The following MAP7D1 variants were observed in gnomAD, a reference collection of about 807,000 sequenced individuals.
MAP7D1 encodes the protein MAP7 domain-containing protein 1.
In MAP7D1, 30 loss-of-function variants were observed where a neutral mutation model predicts 97.5. The observed-to-expected ratio is 0.31, with a 90% CI of 0.23 to 0.42. MAP7D1 has a LOEUF of 0.42. Among genes scored for constraint, MAP7D1 ranks in the 10% least tolerant of loss-of-function variants. The probability of loss-of-function intolerance (pLI) is 1.00; values close to 1 mark genes in which losing one functional copy is unlikely to be tolerated. For synonymous variants in MAP7D1, 536 were observed against 477.1 expected, an observed-to-expected ratio of 1.12 and a Z score of -1.61; for missense variants, 1,184 against 1,179.5, an observed-to-expected ratio of 1.00 and a Z score of -0.06.
At chr1:36,158,617 G>A (rs189516596) in intron 1 of MAP7D1, among the ~76,000 whole-genome samples, 99 of 152,328 alleles carry the variant, frequency 6.5e-4, no homozygotes, top group South Asian at 1.0e-3. Flanking sequence ...TAGGGGCAGT[G>A]TTGTCAACCT....
chr1:36,178,962 G>A lies in MAP7D1; in HGVS notation c.2067G>A (p.Arg689=). The A allele has an allele frequency of 6.4e-7, 1 of 1,559,284 alleles. No individual in the cohort carries two copies. Among genetic ancestry groups the A allele is most frequent in the Non-Finnish European group, 8.7e-7 (1 of 1,151,806 alleles). ...CTCGGTCGCGGGAAGAGGCGGAGCG[G>A]CAGCGTCTGGAGCGGGAAAAGCACT... The part of the protein sequence containing the change: ...AEARSREEAE[R]QRLEREKHFQ... The change falls in exon 12 of 17, where the codon CGG becomes CGA. Residue 689 remains arginine, a synonymous_variant. Transcript: ENST00000474796.
intron 3 of MAP7D1, 49 bp from the exon 4 acceptor site, chr1:36,172,415 G>A: frequency 1.4e-6 from 2 of 1,403,402 alleles, no homozygotes; most frequent in Non-Finnish European, 1.9e-6. Context: ...CTTGGCCCAG[G>A]CCTTCTGCAG....
At chr1:36,177,585 G>C (rs1385461799) in intron 8 of MAP7D1, 1 of 681,480 alleles carries the variant, frequency 1.5e-6, no homozygotes, top group South Asian at 1.5e-5. Context: ...GTAGCACTCA[G>C]GGTGCTGAGG....
chr1:36,167,264 A>G (rs547652555), intron 1 of MAP7D1, among the ~76,000 whole-genome samples: 2 of 152,306 alleles, frequency 1.3e-5, no homozygotes, highest in Admixed American at 1.3e-4. Context: ...ACAGTCAGCA[A>G]GGTAGAAGGA....
Position 36,176,108 on chromosome 1 carries a change from G to T in MAP7D1, c.851-91G>T. The T allele has an allele frequency of 2.8e-6, 4 of 1,452,212 alleles. No homozygotes were observed. Among genetic ancestry groups the T allele is most frequent in the Non-Finnish European group, 3.7e-6 (4 of 1,077,514 alleles). 90.0% of individuals were successfully genotyped at this position (1,452,212 alleles called of 1,614,324 possible). On this transcript the variant is annotated intron_variant, in intron 6 of 16. Coordinates refer to ENST00000474796, the MANE Select transcript of MAP7D1 (RefSeq NM_001388490.1). The surrounding 1 kb of genome is among the most constrained non-coding windows in gnomAD (Gnocchi z 6.1). Reference sequence around the variant, plus strand: ...TCCCGGGTGAGAAGCCTTGGCCTTGGCATGGGGATGGTGCCTGGTCTGCTC... The same window carrying T: ...TCCCGGGTGAGAAGCCTTGGCCTTGTCATGGGGATGGTGCCTGGTCTGCTC...
At chr1:36,178,264 G>A (rs980895534) in intron 9 of MAP7D1, 63 bp downstream of exon 9, 5 of 1,485,904 alleles carry the variant, frequency 3.4e-6, no homozygotes, top group Middle Eastern at 2.5e-4. Flanking sequence ...CTGTGTGGGG[G>A]TGTGGGCCGC....
At chr1:36,168,424 C>G (rs1255125623) in intron 1 of MAP7D1, among the ~76,000 whole-genome samples, 3 of 152,082 alleles carry the variant, frequency 2.0e-5, no homozygotes, top group Non-Finnish European at 4.4e-5. Context: ...CTCAGAATTG[C>G]GAGGACACAG....
At chr1:36,168,888 C>T (rs1240129613) in intron 1 of MAP7D1, among the ~76,000 whole-genome samples, 3 of 152,024 alleles carry the variant, frequency 2.0e-5, no homozygotes, top group African/African-American at 7.2e-5. Flanking sequence ...TTTGCTTCAT[C>T]TTTTTTTACT....
intron 9 of MAP7D1, 58 bp from the exon 10 acceptor site, chr1:36,178,361 G>C (rs1644661235): frequency 1.3e-6 from 2 of 1,550,118 alleles, no homozygotes; most frequent in African/African-American, 2.7e-5. Context: ...AGGCCGCTGG[G>C]AGATGACGGC....
Position 36,179,667 on chromosome 1 carries a change from G to A in MAP7D1, c.2229G>A (p.Glu743=), listed in dbSNP as rs376161208. The A allele has an allele frequency of 2.1e-5, 32 of 1,528,776 alleles. No individual in the cohort carries two copies. Among genetic ancestry groups the A allele is most frequent in the South Asian group, 2.0e-4 (16 of 79,560 alleles). The allele number at this position is 1,528,776 out of a possible 1,614,324, so 94.7% of individuals were successfully genotyped here. Residue 743 remains glutamate, a splice_region_variant and synonymous_variant, in exon 15 of 17, where the codon GAG becomes GAA. Coordinates refer to ENST00000474796, the MANE Select transcript of MAP7D1 (RefSeq NM_001388490.1). The part of the protein sequence containing the change: ...KEANANGSSP[E]PVKAVEARSP... The stretch of plus-strand genomic sequence containing the variant: ...ATGGCCCCTCTTTCCCTGTGACAGA[G>A]CCTGTGAAAGCTGTGGAGGCTCGGT...
chr1:36,172,719 G>A (rs1644563646), intron 4 of MAP7D1, 92 bp downstream of exon 4: 1 of 1,295,086 alleles, frequency 7.7e-7, no homozygotes, highest in Admixed American at 3.1e-5. Context: ...TCACGGCTCT[G>A]CCTTATCTGT....
chr1:36,180,172 T>A lies in MAP7D1; in HGVS notation c.2513-76T>A, dbSNP rs542943748. The stretch of plus-strand genomic sequence containing the variant: ...GGCTCTGCCAGGCACCCTCTCCTGC[T>A]CCACCCTGAAGACCCCCAGCTATCT... On this transcript the variant is annotated intron_variant, in intron 16 of 16. Coordinates refer to ENST00000474796, the MANE Select transcript of MAP7D1 (RefSeq NM_001388490.1). 5.6e-6 allele frequency: 9 copies of A among 1,611,606 alleles called. No homozygotes were observed. The East Asian group carries it at 1.8e-4, about 32-fold the overall frequency.
chr1:36,180,371 G>A lies in MAP7D1; in HGVS notation c.*113G>A. 6.8e-7 allele frequency: 1 copy of A among 1,470,528 alleles called. No individual in the cohort carries two copies. The highest frequency in any genetic ancestry group is 1.4e-5 in the African/African-American group (1 of 71,926). 91.1% of individuals were successfully genotyped at this position (1,470,528 alleles called of 1,614,324 possible). A position where few individuals can be genotyped will look rare whatever the true frequency, so the allele number is the denominator to read the frequency against. ...GATGGAAGTGGCCTGGGCCCCTGGG[G>A]GTGGGTCCTCTCTGTTGTTTTTAAT... On this transcript the variant is annotated 3_prime_UTR_variant, in exon 17 of 17. Coordinates refer to ENST00000474796, the MANE Select transcript of MAP7D1 (RefSeq NM_001388490.1).
In MAP7D1 at chr1:36,179,323, T is replaced by C; in HGVS notation, c.2184+8T>C. ...GAAGTTTCTGAAACCAAGGTCAGAA[T>C]TCCCCCGAAGGGCAGTGCTGGGCGT... On this transcript the variant is annotated splice_region_variant and intron_variant, in intron 13 of 16. Transcript: ENST00000474796. 1 of 1,613,890 alleles carries C rather than the reference T, an allele frequency of 6.2e-7. No individual in the cohort carries two copies. Among genetic ancestry groups the C allele is most frequent in the Admixed American group, 1.7e-5 (1 of 59,998 alleles).
intron 8 of MAP7D1, chr1:36,177,631 T>C: frequency 4.0e-6 from 3 of 748,740 alleles, no homozygotes; most frequent in Non-Finnish European, 7.1e-6. Flanking sequence ...TGGTTTTTTC[T>C]CTTATTAAGC....
At position 36,180,501 on chromosome 1, in the gene MAP7D1, T is replaced by C. The variant is rs78771983; in HGVS notation, c.*243T>C. ...ATCCCTTCTCCCCCATACACACATA[T>C]ACACTCACAGCCTCTCTGGCCTCTT... On this transcript the variant is annotated 3_prime_UTR_variant, in exon 17 of 17. Coordinates refer to ENST00000474796, the MANE Select transcript of MAP7D1 (RefSeq NM_001388490.1). 2.2e-3 allele frequency: 1,278 copies of C among 573,824 alleles called. 21 individuals are homozygous for C. The East Asian group carries it at 0.033, about 15-fold the overall frequency. 35.5% of individuals were successfully genotyped at this position (573,824 alleles called of 1,614,324 possible).
chr1:36,177,978 G>A lies in MAP7D1; in HGVS notation c.1485G>A (p.Pro495=). The A allele has an allele frequency of 6.2e-7, 1 of 1,607,912 alleles. No homozygotes were observed. The highest frequency in any genetic ancestry group is 8.5e-7 in the Non-Finnish European group (1 of 1,175,710). ...GCCACACTCTGCCTCCAAAGCCACCGTCCCCCCGAGGCACCACTGCATCCC... is the reference window on the plus strand; with the variant it reads ...GCCACACTCTGCCTCCAAAGCCACCATCCCCCCGAGGCACCACTGCATCCC... ...GPGHTLPPKP[P]SPRGTTASPK... is the part of the protein sequence containing the mutation. The change falls in exon 9 of 17, where the codon CCG becomes CCA. Residue 495 remains proline, a synonymous_variant. Transcript: ENST00000474796.
At chr1:36,173,540 G>A in intron 5 of MAP7D1, 62 bp downstream of exon 5, 1 of 1,274,746 alleles carries the variant, frequency 7.8e-7, no homozygotes, top group Non-Finnish European at 1.1e-6. Flanking sequence ...GTAAGGGAAG[G>A]GAACAACTTC....
At position 36,176,681 on chromosome 1, in the gene MAP7D1, C is replaced by T. The variant is rs768975024; in HGVS notation, c.1234-16C>T. The T allele has an allele frequency of 6.8e-6, 11 of 1,606,178 alleles. No individual in the cohort carries two copies. The South Asian group carries it at 1.1e-4, about 16-fold the overall frequency. ...CTGACCTCTACTCTCCTCTTCCGTTCCTCCTTCCCTGCCAGGTGCAGAAAA... is the reference window on the plus strand; with the variant it reads ...CTGACCTCTACTCTCCTCTTCCGTTTCTCCTTCCCTGCCAGGTGCAGAAAA... On this transcript the variant is annotated splice_polypyrimidine_tract_variant and intron_variant, in intron 7 of 16. Coordinates refer to ENST00000474796, the MANE Select transcript of MAP7D1 (RefSeq NM_001388490.1). The surrounding 1 kb of genome is among the most constrained non-coding windows in gnomAD (Gnocchi z 6.1).
Sources: allele counts gnomAD v4.1 joint callset (sites outside exome capture counted in the v4.1 genomes callset), GRCh38; gene constraint gnomAD v4.1.1; non-coding constraint Gnocchi (gnomAD v3.1); transcripts MANE v1.5; gene names NCBI Gene and HGNC (gene_info 2026-07-23, HGNC 2026-07-21).